Variants in TNRC6C observed in about 807,000 individuals in gnomAD.
TNRC6C encodes the protein trinucleotide repeat-containing gene 6C protein.
Under a neutral mutation model 153.7 loss-of-function variants are expected in TNRC6C, and 20 were observed. The ratio of observed to expected loss-of-function variants is 0.13; its 90% confidence interval spans 0.09 to 0.19. TNRC6C has a LOEUF of 0.19. Ranked by LOEUF, TNRC6C falls within the 10% of genes least tolerant of loss-of-function variation. The pLI, the probability that TNRC6C is intolerant of heterozygous loss-of-function variation, is 1.00. For missense variants in TNRC6C, 1,987 were observed against 2,172.0 expected (o/e 0.91, Z 1.69); for synonymous variants, 811 against 841.4 (o/e 0.96, Z 0.63).
Position 78,098,547 on chromosome 17 carries a change from A to T in TNRC6C, c.4501+10A>T. 1 of 1,609,386 alleles carries T rather than the reference A, an allele frequency of 6.2e-7. No individual in the cohort carries two copies. The highest frequency in any genetic ancestry group is 8.5e-7 in the Non-Finnish European group (1 of 1,178,068). On this transcript the variant is annotated intron_variant, in intron 17 of 19. Transcript: ENST00000301624. Reference sequence around the variant, plus strand: ...AGCTCCTACTCCTCGGGTAAGCTCCATGCTCCTCGTGTTCCGATGGGGGCC... The same window carrying T: ...AGCTCCTACTCCTCGGGTAAGCTCCTTGCTCCTCGTGTTCCGATGGGGGCC...
rs1178248245 is a variant in TNRC6C, at chr17:78,048,276, T to TTTTGATAACATA, written c.-218-569_-218-568insTTTGATAACATA. ...CCTTAGTATTTTTGATAACATAAGA[T>TTTTGATAACATA]AGCATTGTCTCATATGTCTTTTCTC... On this transcript the variant is annotated intron_variant, in intron 2 of 19. Transcript: ENST00000301624. Among the ~76,000 whole-genome samples, 7 of 152,208 alleles carry TTTTGATAACATA rather than the reference T, an allele frequency of 4.6e-5. No homozygotes were observed. The South Asian group carries it at 1.4e-3, about 31-fold the overall frequency.
intron 1 of TNRC6C, among the ~76,000 whole-genome samples, chr17:77,987,489 C>G (rs985207794): frequency 6.6e-6 from 1 of 152,100 alleles, no homozygotes; most frequent in African/African-American, 2.4e-5. Context: ...TCTCCTAAGA[C>G]AATCACAAAT....
intron 2 of TNRC6C, among the ~76,000 whole-genome samples, chr17:78,044,387 GCTT>G (rs1303542324): frequency 6.6e-6 from 1 of 152,136 alleles, no homozygotes; most frequent in African/African-American, 2.4e-5. Context: ...TTTATTTACT[GCTT>G]CTTCTCTGTC....
intron 1 of TNRC6C, among the ~76,000 whole-genome samples, chr17:77,969,509 C>T (rs1287345870): frequency 2.0e-5 from 3 of 152,136 alleles, no homozygotes; most frequent in African/African-American, 7.2e-5. Context: ...CTCAGCCTCC[C>T]AAGGTGCTGG....
At chr17:77,992,878 A>G (rs1046330423) in intron 1 of TNRC6C, among the ~76,000 whole-genome samples, 14 of 152,202 alleles carry the variant, frequency 9.2e-5, no homozygotes, top group East Asian at 3.8e-4. Context: ...TAACGTGGCA[A>G]ATTTTAGGTT....
At chr17:78,004,150 G>T, upstream of TNRC6C, 1 of 1,231,568 alleles carries the variant, frequency 8.1e-7, no homozygotes, top group South Asian at 4.1e-5. Flanking sequence ...ACTTATACTA[G>T]TTTTCTTTGT....
chr17:78,083,178 G>C lies in TNRC6C; in HGVS notation c.3477+12G>C, dbSNP rs765455005. ...ATCAGCTGCAGCTGGTGAGTGGATA[G>C]ACCCATGCAAGTTAGAGCACGCAGG... On this transcript the variant is annotated intron_variant, in intron 11 of 19. Transcript: ENST00000301624. The C allele has an allele frequency of 6.2e-7, 1 of 1,613,618 alleles. No individual in the cohort carries two copies. The highest frequency in any genetic ancestry group is 1.1e-5 in the South Asian group (1 of 91,074).
upstream of TNRC6C, among the ~76,000 whole-genome samples, chr17:77,999,885 T>C (rs1208237491): frequency 6.6e-6 from 1 of 152,212 alleles, no homozygotes; most frequent in Non-Finnish European, 1.5e-5. Flanking sequence ...GTTGGAGTCT[T>C]ACGTAACACA....
intron 1 of TNRC6C, among the ~76,000 whole-genome samples, chr17:77,983,764 C>G (rs961160074): frequency 6.6e-6 from 1 of 152,110 alleles, no homozygotes; most frequent in Admixed American, 6.5e-5. Flanking sequence ...ATTAACTTTG[C>G]TTTTTCCCCC....
chr17:78,093,272 C>T (rs1457384910), intron 15 of TNRC6C, 148 bp downstream of exon 17: 1 of 949,110 alleles, frequency 1.1e-6, no homozygotes, highest in Non-Finnish European at 1.5e-6. Context: ...CTTGGAAATC[C>T]ATTTGTCAGA....
At chr17:78,066,739 C>T (rs1029052209) in intron 4 of TNRC6C, 1 of 152,200 alleles carries the variant, frequency 6.6e-6, no homozygotes, top group Non-Finnish European at 1.5e-5. Flanking sequence ...CACTTTGTAG[C>T]TCCATCTGCC....
intron 2 of TNRC6C, among the ~76,000 whole-genome samples, chr17:78,038,466 G>A (rs1262791188): frequency 6.6e-6 from 1 of 151,886 alleles, no homozygotes; most frequent in Non-Finnish European, 1.5e-5. Context: ...GAGTTCAGGA[G>A]ATTGAGACCA....
At chr17:78,027,368 T>A (rs1032219156) in intron 1 of TNRC6C, among the ~76,000 whole-genome samples, 1 of 151,956 alleles carries the variant, frequency 6.6e-6, no homozygotes, top group Non-Finnish European at 1.5e-5. Flanking sequence ...GAGAAGGAGC[T>A]AATTACAGTA....
At chr17:77,980,224 C>T (rs764624682) in intron 1 of TNRC6C, among the ~76,000 whole-genome samples, 22 of 152,232 alleles carry the variant, frequency 1.4e-4, no homozygotes, top group Non-Finnish European at 2.9e-5. Context: ...ACCACCATGG[C>T]ACACGTTTAC....
In TNRC6C at chr17:77,986,817, A is replaced by G. The variant is rs373072412; in HGVS notation, c.-37-17353A>G. 2.0e-5 allele frequency among the ~76,000 whole-genome samples: 3 copies of G among 152,320 alleles called. No individual in the cohort carries two copies. The East Asian group carries it at 5.8e-4, about 29-fold the overall frequency. On this transcript the variant is annotated intron_variant, in intron 1 of 22. Coordinates refer to the TNRC6C transcript ENST00000636222. ...TCACAAATGAGCAGAGACAGGAAGG[A>G]TCATTTAGTCCTCGTGCACTAAATG...
intron 17 of TNRC6C, among the ~76,000 whole-genome samples, chr17:78,100,691 A>T (rs1274129546): frequency 6.6e-6 from 1 of 151,374 alleles, no homozygotes; most frequent in Non-Finnish European, 1.5e-5. Context: ...CCATTGTCTT[A>T]GGGATTAACA....
chr17:78,016,221 A>G (rs2071725523), intron 1 of TNRC6C, among the ~76,000 whole-genome samples: 1 of 152,174 alleles, frequency 6.6e-6, no homozygotes, highest in Non-Finnish European at 1.5e-5. Flanking sequence ...AGCGGCACTA[A>G]CACTGTCTCT....
At chr17:78,019,052 A>G (rs994480008) in intron 1 of TNRC6C, among the ~76,000 whole-genome samples, 1 of 152,174 alleles carries the variant, frequency 6.6e-6, no homozygotes, top group Non-Finnish European at 1.5e-5. Flanking sequence ...GAAGGTTGGG[A>G]TGATACAGAA....
At chr17:78,085,857 GTT>G (rs2073271199) in intron 11 of TNRC6C, among the ~76,000 whole-genome samples, 1 of 149,572 alleles carries the variant, frequency 6.7e-6, no homozygotes, top group African/African-American at 2.5e-5. Flanking sequence ...TTTTTTTTAA[GTT>G]TCAGTTTGTA....
Sources: allele counts gnomAD v4.1 joint callset (sites outside exome capture counted in the v4.1 genomes callset), GRCh38; gene constraint gnomAD v4.1.1; transcripts MANE v1.5; gene names NCBI Gene and HGNC (gene_info 2026-07-23, HGNC 2026-07-21).